The following CDC14B variants were observed in gnomAD, a reference collection of about 807,000 sequenced individuals.
CDC14B encodes the protein cell division cycle 14B, also known as dual specificity protein phosphatase CDC14B.
A neutral mutation model predicts 64.2 loss-of-function variants in CDC14B; 22 were observed. The ratio of observed to expected loss-of-function variants is 0.34; its 90% CI spans 0.24 to 0.49. CDC14B has a LOEUF of 0.49. Among genes scored for constraint, CDC14B ranks in the 20% least tolerant of loss-of-function variants. The pLI is 0.99. For synonymous variants in CDC14B, 191 were observed against 215.8 expected, an observed-to-expected ratio of 0.89 and a Z score of 1.01; for missense variants, 498 against 629.9, an observed-to-expected ratio of 0.79 and a Z score of 2.24.
intron 12 of CDC14B, among the ~76,000 whole-genome samples, chr9:96,518,874 C>T (rs573170725): frequency 1.3e-5 from 2 of 152,252 alleles, no homozygotes; most frequent in South Asian, 2.1e-4. Flanking sequence ...CAGTGGCTCA[C>T]ACCTGTAATC....
In CDC14B at chr9:96,523,300, T is replaced by TATGGAA; in HGVS notation, c.1200_1205dup (p.Ser401_Ile402dup). On this transcript the variant is annotated inframe_insertion, in exon 11 of 14. Transcript: ENST00000375241. ...GCTGATCTTGATTCTCGACCCCATT[T>TATGGAA]ATGGAAATGTCATCAACGCCAGAGA... 1 of 1,614,164 alleles carries TATGGAA rather than the reference T, an allele frequency of 6.2e-7. No individual in the cohort carries two copies. Among genetic ancestry groups the TATGGAA allele is most frequent in the East Asian group, 2.2e-5 (1 of 44,886 alleles).
intron 1 of CDC14B, among the ~76,000 whole-genome samples, chr9:96,569,039 G>A (rs902154929): frequency 2.6e-5 from 4 of 152,168 alleles, no homozygotes; most frequent in African/African-American, 9.7e-5. Flanking sequence ...GGATGAAATC[G>A]TAGGTAGCAA....
intron 1 of CDC14B, among the ~76,000 whole-genome samples, chr9:96,593,547 A>AT (rs1473778934): frequency 6.6e-6 from 1 of 151,740 alleles, no homozygotes; most frequent in Non-Finnish European, 1.5e-5. Context: ...CATTATAAAT[A>AT]TTTTTTTCTG....
At chr9:96,571,323 G>A (rs995436555) in intron 1 of CDC14B, among the ~76,000 whole-genome samples, 2 of 151,912 alleles carry the variant, frequency 1.3e-5, no homozygotes, top group Non-Finnish European at 2.9e-5. Context: ...CTACAGGCGT[G>A]TGCCACCACA....
intron 12 of CDC14B, among the ~76,000 whole-genome samples, chr9:96,511,916 A>G (rs1475619561): frequency 6.6e-6 from 1 of 152,112 alleles, no homozygotes; most frequent in Non-Finnish European, 1.5e-5. Flanking sequence ...ATTTTAAGCA[A>G]TTCCCACACC....
intron 1 of CDC14B, among the ~76,000 whole-genome samples, chr9:96,574,202 G>T (rs1182109360): frequency 6.6e-6 from 1 of 150,846 alleles, no homozygotes; most frequent in Non-Finnish European, 1.5e-5. Flanking sequence ...TTAAAACTTA[G>T]AAGAATTTAG....
intron 12 of CDC14B, among the ~76,000 whole-genome samples, chr9:96,517,290 C>T (rs1835831499): frequency 2.0e-5 from 3 of 150,906 alleles, no homozygotes; most frequent in South Asian, 2.1e-4. Flanking sequence ...TGCAGTGAGC[C>T]GAGATCATGC....
intron 3 of CDC14B, 123 bp downstream of exon 3, chr9:96,564,654 T>C (rs1213425170): frequency 1.8e-6 from 1 of 553,438 alleles, no homozygotes; most frequent in African/African-American, 1.9e-5. Context: ...ACCATGTGCA[T>C]GTCCCAAACA....
chr9:96,588,798 C>A (rs529856455), intron 1 of CDC14B, among the ~76,000 whole-genome samples: 16 of 152,232 alleles, frequency 1.1e-4, no homozygotes, highest in African/African-American at 3.6e-4. Flanking sequence ...TAAAACACTA[C>A]CTTTTCTTAC....
chr9:96,509,827 G>A (rs771319140), intron 12 of CDC14B, 38 bp from the exon 13 acceptor site: 2 of 1,285,620 alleles, frequency 1.6e-6, no homozygotes, highest in South Asian at 2.5e-5. Flanking sequence ...TATATTCACT[G>A]AAACCATTTG....
intron 12 of CDC14B, among the ~76,000 whole-genome samples, chr9:96,513,715 G>A (rs182144380): frequency 2.6e-4 from 40 of 152,340 alleles, no homozygotes; most frequent in Admixed American, 8.5e-4. Flanking sequence ...TATACTGGCT[G>A]TCCACTCCGG....
chr9:96,617,750 C>G (rs911308995), intron 1 of CDC14B, among the ~76,000 whole-genome samples: 6 of 152,184 alleles, frequency 3.9e-5, no homozygotes, highest in South Asian at 2.1e-4. Context: ...CTTTTCTGCA[C>G]GTACTCCTGT....
At chr9:96,557,655 A>C (rs897096788) in intron 4 of CDC14B, among the ~76,000 whole-genome samples, 3 of 152,254 alleles carry the variant, frequency 2.0e-5, no homozygotes, top group Admixed American at 2.0e-4. Context: ...TTGCTGAGTT[A>C]ATATATTCTT....
At chr9:96,569,243 A>G (rs1301198227) in intron 1 of CDC14B, among the ~76,000 whole-genome samples, 1 of 152,234 alleles carries the variant, frequency 6.6e-6, no homozygotes, top group Non-Finnish European at 1.5e-5. Context: ...TGATCAAGAT[A>G]GGAAGCATAT....
At chr9:96,558,452 T>C (rs1842763750) in intron 4 of CDC14B, among the ~76,000 whole-genome samples, 1 of 152,226 alleles carries the variant, frequency 6.6e-6, no homozygotes. Context: ...AATTTTAAAA[T>C]TGTACTGTAA....
At chr9:96,493,276 G>C (rs1007540167) in intron 13 of CDC14B, 1 of 152,516 alleles carries the variant, frequency 6.6e-6, no homozygotes, top group African/African-American at 2.4e-5. Flanking sequence ...AGACAGATTT[G>C]CTCATTTTCT....
chr9:96,608,532 C>T lies in CDC14B; in HGVS notation c.160+10687G>A, dbSNP rs188384922. On this transcript the variant is annotated intron_variant, in intron 1 of 13. Transcript: ENST00000375241. ...TGTCAAAGCAGTTCTTCCCCAGCAC[C>T]CATAAAAGAATGGAAAATTAGAATG... 3.5e-4 allele frequency among the ~76,000 whole-genome samples: 53 copies of T among 152,100 alleles called. 1 individual carries two copies. The East Asian group carries it at 9.8e-3, about 28-fold the overall frequency.
chr9:96,585,827 T>C (rs1845426703), intron 1 of CDC14B, among the ~76,000 whole-genome samples: 1 of 152,162 alleles, frequency 6.6e-6, no homozygotes, highest in Non-Finnish European at 1.5e-5. Flanking sequence ...TCTGCAGCTT[T>C]ATAAAAGCTA....
chr9:96,598,429 T>A (rs753494542), intron 1 of CDC14B, among the ~76,000 whole-genome samples: 2 of 152,172 alleles, frequency 1.3e-5, no homozygotes, highest in Non-Finnish European at 2.9e-5. Context: ...CTCCACCTCC[T>A]GGGTTCATGT....
Sources: allele counts gnomAD v4.1 joint callset (sites outside exome capture counted in the v4.1 genomes callset), GRCh38; gene constraint gnomAD v4.1.1; transcripts MANE v1.5; gene names NCBI Gene and HGNC (gene_info 2026-07-23, HGNC 2026-07-21).